Variants in MAGI3 observed in about 807,000 individuals in gnomAD.
MAGI3 encodes membrane-associated guanylate kinase, WW and PDZ domain-containing protein 3.
Under a neutral mutation model 121.8 loss-of-function variants are expected in MAGI3, and 43 were observed. The observed-to-expected ratio is 0.35, with a 90% confidence interval of 0.28 to 0.46. The LOEUF (loss-of-function observed/expected upper bound fraction) is 0.46. MAGI3 is among the 20% of genes least tolerant of loss of function. The pLI is 1.00. For missense variants in MAGI3, 1,547 were observed against 1,797.3 expected, an observed-to-expected ratio of 0.86 and a Z score of 2.52; for synonymous variants, 553 against 639.3, an observed-to-expected ratio of 0.86 and a Z score of 2.04.
intron 5 of MAGI3, among the ~76,000 whole-genome samples, chr1:113,593,688 A>G (rs1192077069): frequency 1.3e-5 from 2 of 152,246 alleles, no homozygotes; most frequent in Admixed American, 6.5e-5. Flanking sequence ...GCAATGAGAT[A>G]GTTTCATTTC....
At chr1:113,682,536 T>A in intron 20 of MAGI3, 1 of 1,240,480 alleles carries the variant, frequency 8.1e-7, no homozygotes, top group Non-Finnish European at 1.0e-6. Flanking sequence ...ACTGTATCAA[T>A]TCATAATAAT....
At chr1:113,463,732 G>A (rs2101523547) in intron 1 of MAGI3, among the ~76,000 whole-genome samples, 1 of 152,194 alleles carries the variant, frequency 6.6e-6, no homozygotes, top group Admixed American at 6.5e-5. Context: ...GGATTGAGAG[G>A]AATTGGTAGA....
chr1:113,597,931 C>T (rs1399744314), intron 6 of MAGI3, among the ~76,000 whole-genome samples: 1 of 152,096 alleles, frequency 6.6e-6, no homozygotes, highest in African/African-American at 2.4e-5. Context: ...ACTTACAGGA[C>T]TGCCAGGCAC....
At chr1:113,574,030 T>C (rs542031374) in intron 2 of MAGI3, among the ~76,000 whole-genome samples, 18 of 152,296 alleles carry the variant, frequency 1.2e-4, no homozygotes, top group African/African-American at 4.1e-4. Flanking sequence ...TTTTTTTTCT[T>C]TCCATTTGCT....
At chr1:113,578,291 A>G (rs185504060) in intron 2 of MAGI3, among the ~76,000 whole-genome samples, 82 of 152,302 alleles carry the variant, frequency 5.4e-4, no homozygotes, top group Middle Eastern at 3.4e-3. Flanking sequence ...CATATCATCA[A>G]TCCAGTCCAA....
chr1:113,524,619 A>G (rs1163208329), intron 1 of MAGI3, among the ~76,000 whole-genome samples: 1 of 152,012 alleles, frequency 6.6e-6, no homozygotes, highest in Non-Finnish European at 1.5e-5. Context: ...GGGTGTATTT[A>G]TCCAATGCCT....
chr1:113,541,706 A>G (rs1374467489), intron 1 of MAGI3, among the ~76,000 whole-genome samples: 2 of 152,232 alleles, frequency 1.3e-5, no homozygotes, highest in Non-Finnish European at 2.9e-5. Flanking sequence ...AGAGGTGACC[A>G]GAAAGAATAT....
intron 6 of MAGI3, among the ~76,000 whole-genome samples, chr1:113,603,992 G>GC (rs1362541029): frequency 6.6e-6 from 1 of 152,126 alleles, no homozygotes; most frequent in Non-Finnish European, 1.5e-5. Flanking sequence ...ATAGATGTTG[G>GC]CATGGGTGCA....
chr1:113,469,484 A>G (rs1655441950), intron 1 of MAGI3, among the ~76,000 whole-genome samples: 1 of 152,064 alleles, frequency 6.6e-6, no homozygotes, highest in Non-Finnish European at 1.5e-5. Flanking sequence ...TAATTGCTTT[A>G]AGATTTATTA....
chr1:113,454,517 T>C (rs1654648981), intron 1 of MAGI3, among the ~76,000 whole-genome samples: 1 of 152,182 alleles, frequency 6.6e-6, no homozygotes, highest in Non-Finnish European at 1.5e-5. Context: ...TTTATTATAC[T>C]TTAAGTTCTG....
chr1:113,405,474 CAAAAAAAAA>C lies in MAGI3; in HGVS notation c.316+14145_316+14153del, dbSNP rs5777158. Reference sequence around the variant, plus strand: ...CCTGGGCAACAGAGTGAAACTGTCTCAAAAAAAAAAAAAAAAAAAAAAAAAAAAGACTGA... The same window carrying C: ...CCTGGGCAACAGAGTGAAACTGTCTCAAAAAAAAAAAAAAAAAAAGACTGA... On this transcript the variant is annotated intron_variant, in intron 1 of 20. Transcript: ENST00000307546. Among the ~76,000 whole-genome samples, 258 of 54,366 alleles carry C rather than the reference CAAAAAAAAA, an allele frequency of 4.7e-3. 3 individuals carry two copies. Among genetic ancestry groups the C allele is most frequent in the African/African-American group, 0.017 (227 of 13,390 alleles). The allele number at this position is 54,366 out of a possible 152,430, so 35.7% of individuals were successfully genotyped here. A position where few individuals can be genotyped will look rare whatever the true frequency, so the allele number is the denominator to read the frequency against.
At chr1:113,578,156 T>C (rs1647774790) in intron 2 of MAGI3, among the ~76,000 whole-genome samples, 1 of 152,210 alleles carries the variant, frequency 6.6e-6, no homozygotes, top group African/African-American at 2.4e-5. Context: ...GGGCTCTCTT[T>C]ATCACTCAGT....
chr1:113,520,516 T>C (rs1297311524), intron 1 of MAGI3, among the ~76,000 whole-genome samples: 1 of 152,238 alleles, frequency 6.6e-6, no homozygotes, highest in African/African-American at 2.4e-5. Context: ...CTGCTATTTA[T>C]GTGTCAGTGT....
intron 9 of MAGI3, among the ~76,000 whole-genome samples, chr1:113,636,611 G>C (rs1353661246): frequency 3.3e-5 from 5 of 152,134 alleles, no homozygotes; most frequent in South Asian, 2.1e-4. Context: ...TATAATTTCT[G>C]TTCTTTTACA....
At chr1:113,419,402 C>G (rs1052172936) in intron 1 of MAGI3, among the ~76,000 whole-genome samples, 1 of 152,086 alleles carries the variant, frequency 6.6e-6, no homozygotes, top group Non-Finnish European at 1.5e-5. Context: ...TTTAGAAGAT[C>G]AGAACTGTTC....
chr1:113,627,015 C>G (rs1651283614), intron 9 of MAGI3, among the ~76,000 whole-genome samples: 1 of 151,908 alleles, frequency 6.6e-6, no homozygotes, highest in South Asian at 2.1e-4. Flanking sequence ...CAAGATGCAT[C>G]ATGAGGTTAT....
chr1:113,520,684 C>T (rs1658135325), intron 1 of MAGI3, among the ~76,000 whole-genome samples: 1 of 152,132 alleles, frequency 6.6e-6, no homozygotes, highest in Non-Finnish European at 1.5e-5. Flanking sequence ...CTCACCACAA[C>T]TTCGGTCTCC....
chr1:113,558,475 C>T (rs1452555395), intron 2 of MAGI3, among the ~76,000 whole-genome samples: 1 of 151,952 alleles, frequency 6.6e-6, no homozygotes, highest in Non-Finnish European at 1.5e-5. Flanking sequence ...GGAAGACTGG[C>T]TTTCTGAATT....
chr1:113,443,609 A>G (rs1048220235), intron 1 of MAGI3, among the ~76,000 whole-genome samples: 5 of 151,834 alleles, frequency 3.3e-5, no homozygotes, highest in Non-Finnish European at 7.4e-5. Flanking sequence ...TACTTACCCT[A>G]ATGGAATATT....
Sources: gnomAD v4.1 joint callset for allele counts (sites outside exome capture counted in the v4.1 genomes callset) on GRCh38, gnomAD v4.1.1 for gene constraint, MANE v1.5 for transcripts, NCBI Gene and HGNC (gene_info 2026-07-23, HGNC 2026-07-21) for gene names.